Variants in HS3ST4 observed in about 807,000 individuals in gnomAD.
HS3ST4 encodes the protein heparan sulfate-glucosamine 3-sulfotransferase 4.
In HS3ST4, 17 loss-of-function variants were observed where a neutral mutation model predicts 29.2. The observed-to-expected ratio is 0.58, with a 90% confidence interval of 0.40 to 0.87. The LOEUF is 0.87. Ranked by LOEUF, HS3ST4 falls within the 40% of genes least tolerant of loss-of-function variation. The pLI, the probability that HS3ST4 is intolerant of heterozygous loss-of-function variation, is 0.00. For missense variants in HS3ST4, 627 were observed against 634.5 expected (o/e 0.99, Z 0.13); for synonymous variants, 314 against 285.7 (o/e 1.10, Z -1.00).
intron 1 of HS3ST4, among the ~76,000 whole-genome samples, chr16:25,920,596 G>GCCC (rs760011689): frequency 2.3e-4 from 27 of 117,574 alleles, no homozygotes; most frequent in African/African-American, 6.2e-4. Context: ...CCTCACTGCC[G>GCCC]CCCCCACCCC....
At chr16:25,993,952 G>A (rs1390024550) in intron 1 of HS3ST4, among the ~76,000 whole-genome samples, 1 of 3,192 alleles carries the variant, frequency 3.1e-4, no homozygotes. Flanking sequence ...ATAACCTCGT[G>A]TGTGTGTGTG....
intron 1 of HS3ST4, among the ~76,000 whole-genome samples, chr16:25,985,324 G>A (rs1969050550): frequency 6.6e-6 from 1 of 152,164 alleles, no homozygotes; most frequent in Non-Finnish European, 1.5e-5. Flanking sequence ...CAGTAGTTGT[G>A]GAAGGCTGGG....
At chr16:25,851,552 G>A (rs1023166494) in intron 1 of HS3ST4, among the ~76,000 whole-genome samples, 12 of 152,054 alleles carry the variant, frequency 7.9e-5, no homozygotes, top group African/African-American at 2.7e-4. Flanking sequence ...TCCACACACT[G>A]TCTGTCCCTG....
At chr16:25,920,781 AT>A (rs11373118) in intron 1 of HS3ST4, among the ~76,000 whole-genome samples, 2 of 150,646 alleles carry the variant, frequency 1.3e-5, no homozygotes, top group Non-Finnish European at 1.5e-5. Flanking sequence ...TTTGTGTTCT[AT>A]TTTTTTTGGT....
intron 1 of HS3ST4, among the ~76,000 whole-genome samples, chr16:26,063,763 A>G (rs1567304633): frequency 6.6e-6 from 1 of 152,178 alleles, no homozygotes; most frequent in Admixed American, 6.5e-5. Context: ...TGAGTTGGCA[A>G]GCATGTTAAA....
intron 1 of HS3ST4, among the ~76,000 whole-genome samples, chr16:26,093,019 C>T (rs149480261): frequency 1.7e-4 from 26 of 152,226 alleles, no homozygotes; most frequent in African/African-American, 4.6e-4. Flanking sequence ...AACTGTGAGG[C>T]GGCAGCCTGG....
intron 1 of HS3ST4, among the ~76,000 whole-genome samples, chr16:25,962,270 A>G (rs1968802360): frequency 6.6e-6 from 1 of 152,168 alleles, no homozygotes; most frequent in Non-Finnish European, 1.5e-5. Context: ...CTGATACATC[A>G]GGAAATCCAT....
At chr16:25,738,631 A>C (rs946924542) in intron 1 of HS3ST4, among the ~76,000 whole-genome samples, 1 of 152,190 alleles carries the variant, frequency 6.6e-6, no homozygotes, top group Admixed American at 6.5e-5. Flanking sequence ...AAGTGACAGT[A>C]GCATCCCTTT....
chr16:25,888,759 G>A (rs1275122324), intron 1 of HS3ST4, among the ~76,000 whole-genome samples: 2 of 152,156 alleles, frequency 1.3e-5, no homozygotes, highest in Non-Finnish European at 2.9e-5. Flanking sequence ...TAGATGTTGG[G>A]CAAGGAAATA....
chr16:26,013,876 G>A (rs1969337164), intron 1 of HS3ST4, among the ~76,000 whole-genome samples: 1 of 151,964 alleles, frequency 6.6e-6, no homozygotes, highest in African/African-American at 2.4e-5. Flanking sequence ...TGGGTGTGGT[G>A]GCATGCCCGT....
At chr16:25,965,532 T>C (rs1480072238) in intron 1 of HS3ST4, among the ~76,000 whole-genome samples, 1 of 152,222 alleles carries the variant, frequency 6.6e-6, no homozygotes, top group Non-Finnish European at 1.5e-5. Context: ...CAAGAATTTA[T>C]TGAGTCTGCA....
At chr16:25,998,582 T>A (rs1969177362) in intron 1 of HS3ST4, among the ~76,000 whole-genome samples, 1 of 152,208 alleles carries the variant, frequency 6.6e-6, no homozygotes, top group African/African-American at 2.4e-5. Flanking sequence ...ATTCTTGATC[T>A]TGTCATTTAT....
chr16:25,935,462 C>G (rs564952530), intron 1 of HS3ST4, among the ~76,000 whole-genome samples: 2 of 152,286 alleles, frequency 1.3e-5, no homozygotes, highest in Middle Eastern at 6.8e-3. Flanking sequence ...ATCCTCTGTG[C>G]TCTACCTTTT....
chr16:25,798,114 G>T (rs1966899120), intron 1 of HS3ST4, among the ~76,000 whole-genome samples: 2 of 152,144 alleles, frequency 1.3e-5, no homozygotes, highest in Admixed American at 1.3e-4. Flanking sequence ...CTCAAAGGGA[G>T]TAAAAAACTC....
intron 1 of HS3ST4, among the ~76,000 whole-genome samples, chr16:25,865,709 C>G (rs1027166460): frequency 6.6e-6 from 1 of 152,068 alleles, no homozygotes; most frequent in Non-Finnish European, 1.5e-5. Context: ...GTTGCCAAGA[C>G]CATGCAATAG....
chr16:25,862,382 G>A (rs923924491), intron 1 of HS3ST4, among the ~76,000 whole-genome samples: 1 of 151,986 alleles, frequency 6.6e-6, no homozygotes, highest in African/African-American at 2.4e-5. Context: ...TAGTAGAAAC[G>A]GGGTTTCACT....
intron 1 of HS3ST4, among the ~76,000 whole-genome samples, chr16:25,966,535 T>A (rs969568990): frequency 6.6e-6 from 1 of 152,126 alleles, no homozygotes; most frequent in Non-Finnish European, 1.5e-5. Context: ...TCCTTCTTCT[T>A]CATAGGTACC....
At chr16:25,993,901 C>G (rs1271287585) in intron 1 of HS3ST4, among the ~76,000 whole-genome samples, 1 of 150,762 alleles carries the variant, frequency 6.6e-6, no homozygotes, top group Non-Finnish European at 1.5e-5. Flanking sequence ...GAGGGTCCAT[C>G]TTTCTGGTTT....
chr16:25,806,410 G>A (rs1229646117), intron 1 of HS3ST4, among the ~76,000 whole-genome samples: 1 of 152,090 alleles, frequency 6.6e-6, no homozygotes, highest in Non-Finnish European at 1.5e-5. Flanking sequence ...CTCATGAAGT[G>A]CCAGCTCAGT....
Sources: gnomAD v4.1 joint callset for allele counts (sites outside exome capture counted in the v4.1 genomes callset) on GRCh38, gnomAD v4.1.1 for gene constraint, MANE v1.5 for transcripts, NCBI Gene and HGNC (gene_info 2026-07-23, HGNC 2026-07-21) for gene names.